Variants in FAT2 observed in about 807,000 individuals in gnomAD.
FAT2 encodes FAT atypical cadherin 2.
A neutral mutation model predicts 295.3 loss-of-function variants in FAT2; 150 were observed. The observed-to-expected ratio is 0.51, with a 90% CI of 0.44 to 0.58. FAT2 has a LOEUF of 0.58. FAT2 is among the 20% of genes least tolerant of loss of function. FAT2 has a pLI of 0.00. For missense variants in FAT2, 4,868 were observed against 5,442.7 expected (o/e 0.89, Z 3.32); for synonymous variants, 2,026 against 2,150.3 (o/e 0.94, Z 1.60).
intron 7 of FAT2, 146 bp downstream of exon 7, chr5:151,551,319 TAG>T: frequency 1.2e-6 from 1 of 800,460 alleles, no homozygotes; most frequent in South Asian, 1.8e-5. Context: ...ATCACAGAAG[TAG>T]AGAGTGTATT....
intron 1 of FAT2, among the ~76,000 whole-genome samples, chr5:151,576,360 G>A (rs9918229): frequency 0.45 from 68,870 of 151,930 alleles, 15,720 homozygotes; most frequent in Middle Eastern, 0.5. Context: ...TCAACTATTC[G>A]TGCATATTAG....
chr5:151,568,884 C>A lies in FAT2; in HGVS notation c.48G>T (p.Ala16=), dbSNP rs752118764. ...LGFAIFLLHC[A]TCEKPLEGIL... ...TCCCTTCTAGAGGCTTCTCACAGGT[C>A]GCACAATGGAGCAAGAATATGGCAA... Residue 16 remains alanine (A), a synonymous_variant, in exon 2 of 24, where the codon GCG becomes GCT. Coordinates refer to ENST00000261800, the MANE Select transcript of FAT2 (RefSeq NM_001447.3). 2 of 1,613,474 alleles carry A rather than the reference C, an allele frequency of 1.2e-6. No homozygotes were observed. Among genetic ancestry groups the A allele is most frequent in the South Asian group, 2.2e-5 (2 of 90,932 alleles).
chr5:151,537,747 T>C, intron 12 of FAT2, 46 bp downstream of exon 12: 1 of 1,565,990 alleles, frequency 6.4e-7, no homozygotes, highest in Non-Finnish European at 8.7e-7. Flanking sequence ...CACTTGGTAT[T>C]CAGTAAAGAA....
At chr5:151,528,357 C>G (rs1414269501) in intron 15 of FAT2, among the ~76,000 whole-genome samples, 2 of 152,186 alleles carry the variant, frequency 1.3e-5, no homozygotes, top group South Asian at 4.1e-4. Context: ...TAACAGCATG[C>G]TAGGCCCTGT....
intron 1 of FAT2, among the ~76,000 whole-genome samples, chr5:151,585,805 T>C (rs993616196): frequency 2.0e-5 from 3 of 152,178 alleles, no homozygotes; most frequent in African/African-American, 7.2e-5. Context: ...TTCCCAAGAC[T>C]TCAGGAGCCC....
At chr5:151,511,524 A>C (rs1435510170) in intron 21 of FAT2, 4 of 152,828 alleles carry the variant, frequency 2.6e-5, no homozygotes, top group African/African-American at 9.7e-5. Flanking sequence ...ACAAGGAGAC[A>C]TATAGGAGAA....
chr5:151,589,884 C>A (rs557160293), intron 1 of FAT2, among the ~76,000 whole-genome samples: 6 of 152,186 alleles, frequency 3.9e-5, no homozygotes, highest in South Asian at 4.2e-4. Context: ...CAGAGAGAGA[C>A]CCTGTCTCAA....
Position 151,544,074 on chromosome 5 carries a change from G to A in FAT2, c.7053C>T (p.Ala2351=), listed in dbSNP as rs575063732. ...TGAGTGGGGGATCTCCTTTATCCAT[G>A]GCCCTGACTTTCACATGAAAGTGTT... ...AQQHFHVKVR[A]MDKGDPPLTG... The change falls in exon 10 of 24, where the codon GCC becomes GCT. Residue 2351 remains alanine, a synonymous_variant. Coordinates refer to ENST00000261800, the MANE Select transcript of FAT2 (RefSeq NM_001447.3). 3.1e-6 allele frequency: 5 copies of A among 1,614,168 alleles called. No homozygotes were observed. The African/African-American group carries it at 4.0e-5, about 13-fold the overall frequency.
chr5:151,522,172 C>A, intron 18 of FAT2, 86 bp from the exon 19 acceptor site: 1 of 1,109,248 alleles, frequency 9.0e-7, no homozygotes. Flanking sequence ...TGTGGAGCTA[C>A]GTTTCTCTGC....
Position 151,544,194 on chromosome 5 carries a change from A to C in FAT2, c.6933T>G (p.Ile2311Met). 1 of 1,614,210 alleles carries C rather than the reference A, an allele frequency of 6.2e-7. No homozygotes were observed. Among genetic ancestry groups the C allele is most frequent in the Non-Finnish European group, 8.5e-7 (1 of 1,180,032 alleles). The change falls in exon 10 of 24, where the codon ATT becomes ATG. Residue 2311 changes from isoleucine (I) to methionine (M), a missense_variant. Around this residue, in one of 5 missense-constraint regions of FAT2, gnomAD observed 3,297 missense variants for 3,669.4 expected, o/e 0.90. Coordinates refer to ENST00000261800, the MANE Select transcript of FAT2 (RefSeq NM_001447.3). ...SGRNRDVSYQ[I>M]VEDGSDVSKF... ...TGGAAACATCTGAGCCATCCTCCACAATCTGATAAGAGACGTCACGGTTCC... is the reference window on the plus strand; with the variant it reads ...TGGAAACATCTGAGCCATCCTCCACCATCTGATAAGAGACGTCACGGTTCC...
intron 1 of FAT2, among the ~76,000 whole-genome samples, chr5:151,575,580 G>T (rs4314387): frequency 6.6e-6 from 1 of 152,060 alleles, no homozygotes; most frequent in African/African-American, 2.4e-5. Context: ...GTACCAGTTA[G>T]TGATGTACCA....
At chr5:151,573,591 T>G (rs993936845) in intron 1 of FAT2, among the ~76,000 whole-genome samples, 1 of 152,126 alleles carries the variant, frequency 6.6e-6, no homozygotes, top group African/African-American at 2.4e-5. Context: ...GAGTTGGAGG[T>G]TGCAGTGAGC....
intron 19 of FAT2, among the ~76,000 whole-genome samples, chr5:151,519,245 G>A (rs1753191725): frequency 6.6e-6 from 1 of 152,244 alleles, no homozygotes. Context: ...TCACGAGGCT[G>A]AGGCAGCAGA....
Position 151,543,629 on chromosome 5 carries a change from C to A in FAT2, c.7498G>T (p.Val2500Leu), listed in dbSNP as rs760431057. 1.2e-6 allele frequency: 2 copies of A among 1,614,160 alleles called. No individual in the cohort carries two copies. Among genetic ancestry groups the A allele is most frequent in the South Asian group, 1.1e-5 (1 of 91,080 alleles). Reference protein sequence around the residue: ...LAENAMVGTKVIDLLAIDKDS... With the variant: ...LAENAMVGTKLIDLLAIDKDS... ...TTGTCTATGGCTAGCAAATCAATCACCTTGGTTCCAACCATTGCATTCTCT... is the reference window on the plus strand; with the variant it reads ...TTGTCTATGGCTAGCAAATCAATCAACTTGGTTCCAACCATTGCATTCTCT... Residue 2500 changes from valine to leucine, a missense_variant, in exon 10 of 24, where the codon GTG (valine) becomes TTG (leucine). By Grantham distance (32) the Val-to-Leu change is conservative. This residue lies in a region of FAT2 where 3,297 missense variants were observed against 3,669.4 expected (regional missense o/e 0.90). Transcript: ENST00000261800.
intron 1 of FAT2, among the ~76,000 whole-genome samples, chr5:151,584,160 C>G (rs1010332455): frequency 2.7e-4 from 41 of 152,012 alleles, no homozygotes; most frequent in African/African-American, 9.2e-4. Flanking sequence ...CCTTCCTGCC[C>G]TAGGAACCAG....
intron 1 of FAT2, among the ~76,000 whole-genome samples, chr5:151,572,940 G>C (rs1259187879): frequency 1.3e-5 from 2 of 152,234 alleles, no homozygotes; most frequent in African/African-American, 2.4e-5. Context: ...CCCAGAAAGA[G>C]ACCTGCATCT....
intron 3 of FAT2, among the ~76,000 whole-genome samples, chr5:151,560,394 G>A (rs1757968199): frequency 6.6e-6 from 1 of 152,220 alleles, no homozygotes; most frequent in Non-Finnish European, 1.5e-5. Context: ...CGGTGGAACT[G>A]AGATAAACCT....
rs1462633271 is a variant in FAT2, at chr5:151,545,016, C to T, written c.6111G>A (p.Glu2037=). The T allele has an allele frequency of 4.3e-6, 7 of 1,614,222 alleles. No homozygotes were observed. Among genetic ancestry groups the T allele is most frequent in the Non-Finnish European group, 5.9e-6 (7 of 1,180,040 alleles). Residue 2037 remains glutamate (E), a synonymous_variant, in exon 10 of 24, where the codon GAG becomes GAA. Transcript: ENST00000261800. ...GATTGTCCCTCACTTCCACTGCCAA[C>T]TCATGAGTGTCCTGCTGCTCCCGGT... ...AFDREQQDTH[E]LAVEVRDNRT... is the part of the protein sequence containing the mutation.
rs550057668 is a variant in FAT2 at position 151,572,278 on chromosome 5, T to C, written c.-20-3327A>G. Among the ~76,000 whole-genome samples, 161 of 152,096 alleles carry C rather than the reference T, an allele frequency of 1.1e-3. 1 individual carries two copies. The highest frequency in any genetic ancestry group is 4.7e-3 in the Admixed American group (72 of 15,288). ...CTGGTATAGAACCAGGCTCAATCAA[T>C]ACTAGTTGAGAAATGGAAGAATCTA... On this transcript the variant is annotated intron_variant, in intron 1 of 23. Transcript: ENST00000261800.
Sources: allele counts gnomAD v4.1 joint callset (sites outside exome capture counted in the v4.1 genomes callset), GRCh38; gene constraint gnomAD v4.1.1; regional missense constraint gnomAD v4.1.1; transcripts MANE v1.5; gene names NCBI Gene and HGNC (gene_info 2026-07-23, HGNC 2026-07-21).